The following CHN1 variants were observed in gnomAD, a reference collection of about 807,000 sequenced individuals.
CHN1 encodes the protein N-chimaerin.
A neutral mutation model predicts 59.5 loss-of-function variants in CHN1; 37 were observed. That is an observed-to-expected ratio of 0.62 (90% CI 0.48 to 0.82). CHN1 has a LOEUF of 0.82. Among genes scored for constraint, CHN1 ranks in the 40% least tolerant of loss-of-function variants. The pLI, the probability that CHN1 is intolerant of heterozygous loss-of-function variation, is 0.00. For missense variants in CHN1, 469 were observed against 571.0 expected (o/e 0.82, Z 1.82); for synonymous variants, 206 against 200.4 (o/e 1.03, Z -0.24).
chr2:174,974,824 A>T (rs976633298), intron 1 of CHN1, among the ~76,000 whole-genome samples: 9 of 151,722 alleles, frequency 5.9e-5, no homozygotes, highest in Non-Finnish European at 1.2e-4. Flanking sequence ...ATTTCAGAAA[A>T]CTTGAGTTCT....
chr2:174,945,731 TA>T (rs1689808304), intron 2 of CHN1, among the ~76,000 whole-genome samples: 1 of 152,114 alleles, frequency 6.6e-6, no homozygotes, highest in Non-Finnish European at 1.5e-5. Context: ...ATACTTAAGA[TA>T]TTTTGTCAAC....
chr2:174,980,153 A>G (rs1691094546), intron 1 of CHN1, among the ~76,000 whole-genome samples: 1 of 152,214 alleles, frequency 6.6e-6, no homozygotes, highest in Non-Finnish European at 1.5e-5. Flanking sequence ...TGCTTTGAGA[A>G]TAAGAGAGGC....
At chr2:174,912,998 G>A (rs759484133) in intron 5 of CHN1, among the ~76,000 whole-genome samples, 1 of 152,188 alleles carries the variant, frequency 6.6e-6, no homozygotes, top group Non-Finnish European at 1.5e-5. Context: ...TAAATGTAAA[G>A]CCATGAGTAG....
At chr2:174,819,224 G>GATCA (rs1319894491) in intron 8 of CHN1, among the ~76,000 whole-genome samples, 1 of 152,098 alleles carries the variant, frequency 6.6e-6, no homozygotes, top group Non-Finnish European at 1.5e-5. Flanking sequence ...CTTTAGGTAC[G>GATCA]ATCAATCAAA....
chr2:174,950,720 G>A (rs559955277), intron 2 of CHN1, among the ~76,000 whole-genome samples: 1 of 151,948 alleles, frequency 6.6e-6, no homozygotes, highest in African/African-American at 2.4e-5. Context: ...AAAATGTGCA[G>A]GGTGCAAGTC....
intron 3 of CHN1, 136 bp from the exon 4 acceptor site, chr2:174,918,701 T>G: frequency 1.6e-6 from 1 of 636,494 alleles, no homozygotes. Context: ...GAGTCCCAGT[T>G]CTACCAGCAG....
chr2:174,836,683 A>G (rs1361590833), intron 7 of CHN1, among the ~76,000 whole-genome samples: 1 of 152,196 alleles, frequency 6.6e-6, no homozygotes, highest in Non-Finnish European at 1.5e-5. Context: ...CTTATTTTTC[A>G]TAAAAGCTCC....
At chr2:174,848,735 AC>A (rs1351444747) in intron 6 of CHN1, among the ~76,000 whole-genome samples, 1 of 152,172 alleles carries the variant, frequency 6.6e-6, no homozygotes, top group Non-Finnish European at 1.5e-5. Context: ...ATTTTTGTTT[AC>A]TTCAGTCTTT....
chr2:174,986,509 C>A (rs1691346028), intron 1 of CHN1, among the ~76,000 whole-genome samples: 1 of 152,116 alleles, frequency 6.6e-6, no homozygotes, highest in South Asian at 2.1e-4. Flanking sequence ...GTCACAATGT[C>A]CATGATTCTC....
Position 175,005,157 on chromosome 2 carries a change from G to T in CHN1, c.-245C>A. 7.8e-7 allele frequency: 1 copy of T among 1,283,398 alleles called. No individual in the cohort carries two copies. Among genetic ancestry groups the T allele is most frequent in the Non-Finnish European group, 9.9e-7 (1 of 1,013,196 alleles). The allele number at this position is 1,283,398 out of a possible 1,614,324, so 79.5% of individuals were successfully genotyped here. A position where few individuals can be genotyped will look rare whatever the true frequency, so the allele number is the denominator to read the frequency against. ...AGCCCCGCTAGCTCTCCGCGAGCCGGCACTTGTCGCTGCCATCAGGCGCGG... is the reference window on the plus strand; with the variant it reads ...AGCCCCGCTAGCTCTCCGCGAGCCGTCACTTGTCGCTGCCATCAGGCGCGG... On this transcript the variant is annotated 5_prime_UTR_variant, in exon 1 of 13. The change creates a premature stop within an existing upstream ORF in the 5' untranslated region. Coordinates refer to ENST00000409900, the MANE Select transcript of CHN1 (RefSeq NM_001822.7).
intron 6 of CHN1, among the ~76,000 whole-genome samples, chr2:174,870,520 A>G (rs76536520): frequency 6.6e-5 from 10 of 152,258 alleles, no homozygotes; most frequent in African/African-American, 1.7e-4. Context: ...AGCAAAACGC[A>G]TAAGATGAAA....
At chr2:174,844,805 G>A (rs1686451637) in intron 7 of CHN1, among the ~76,000 whole-genome samples, 2 of 152,064 alleles carry the variant, frequency 1.3e-5, no homozygotes. Context: ...AGTCAATTCC[G>A]AGATTTCTGA....
At chr2:174,950,362 G>A (rs1172550094) in intron 2 of CHN1, among the ~76,000 whole-genome samples, 1 of 151,538 alleles carries the variant, frequency 6.6e-6, no homozygotes, top group African/African-American at 2.4e-5. Flanking sequence ...TGCCTCTCAG[G>A]TACAAGTGAT....
intron 9 of CHN1, 115 bp downstream of exon 9, chr2:174,812,194 T>C (rs1022940282): frequency 2.7e-6 from 2 of 749,196 alleles, no homozygotes; most frequent in African/African-American, 1.8e-5. Context: ...TATGAAACCA[T>C]TCCCCTCCAA....
At chr2:174,852,753 G>A (rs1686777796) in intron 6 of CHN1, among the ~76,000 whole-genome samples, 1 of 152,104 alleles carries the variant, frequency 6.6e-6, no homozygotes, top group Non-Finnish European at 1.5e-5. Context: ...ATGGAAGAGA[G>A]CAGAATACCA....
At position 174,874,520 on chromosome 2, in the gene CHN1, A is replaced by G. The variant is rs567588164; in HGVS notation, c.549+3320T>C. 1.3e-4 allele frequency among the ~76,000 whole-genome samples: 20 copies of G among 152,326 alleles called. 1 individual carries two copies. In the South Asian group the frequency reaches 4.1e-3, roughly 32 times the overall value. On this transcript the variant is annotated intron_variant, in intron 6 of 12. Transcript: ENST00000409900. ...ATCCTAGGGACAAGTAAGAATCTTC[A>G]GGATTCACTCCTCATGGTAAAAACC... is the stretch of plus-strand genomic sequence containing the variant.
intron 6 of CHN1, among the ~76,000 whole-genome samples, chr2:174,874,821 G>A (rs999868837): frequency 4.0e-5 from 6 of 151,350 alleles, no homozygotes; most frequent in South Asian, 4.2e-4. Flanking sequence ...CATGAATAAC[G>A]CAGAGAAGGC....
intron 7 of CHN1, among the ~76,000 whole-genome samples, chr2:174,835,046 G>T (rs1366535404): frequency 1.3e-5 from 2 of 152,096 alleles, no homozygotes; most frequent in African/African-American, 2.4e-5. Context: ...TTATGATGGG[G>T]TTACATGTCA....
At chr2:174,998,259 C>A (rs535128473) in intron 1 of CHN1, among the ~76,000 whole-genome samples, 1 of 137,870 alleles carries the variant, frequency 7.3e-6, no homozygotes, top group Non-Finnish European at 1.5e-5. Context: ...TCTGAGATTG[C>A]GCCACTGCAC....
Sources: allele counts gnomAD v4.1 joint callset (sites outside exome capture counted in the v4.1 genomes callset), GRCh38; gene constraint gnomAD v4.1.1; transcripts MANE v1.5; gene names NCBI Gene and HGNC (gene_info 2026-07-23, HGNC 2026-07-21).